YME1L1: variants seen among roughly 807,000 people sequenced by gnomAD.
YME1L1 encodes YME1 like 1 ATPase, also known as ATP-dependent zinc metalloprotease YME1L1.
Under a neutral mutation model 90.4 loss-of-function variants are expected in YME1L1, and 39 were observed. The ratio of observed to expected loss-of-function variants is 0.43; its 90% CI spans 0.33 to 0.56. The LOEUF (loss-of-function observed/expected upper bound fraction) is 0.56, where lower values mean the gene tolerates loss of function less well. Ranked by LOEUF, YME1L1 falls within the 20% of genes least tolerant of loss-of-function variation. The pLI is 0.03. For synonymous variants in YME1L1, 284 were observed against 287.3 expected (o/e 0.99, Z 0.12); for missense variants, 617 against 868.4 (o/e 0.71, Z 3.64).
At chr10:27,125,456 T>G (rs915970328) in intron 9 of YME1L1, among the ~76,000 whole-genome samples, 31 of 57,068 alleles carry the variant, frequency 5.4e-4, no homozygotes, top group Middle Eastern at 6.3e-3. Flanking sequence ...ATTGTTTCAT[T>G]TGAAAAAAAA....
chr10:27,137,697 G>C (rs1387132340), intron 4 of YME1L1, among the ~76,000 whole-genome samples: 1 of 151,970 alleles, frequency 6.6e-6, no homozygotes, highest in Non-Finnish European at 1.5e-5. Context: ...TACAAGTGTG[G>C]GAAAATTTTG....
chr10:27,139,136 T>C lies in YME1L1; in HGVS notation c.431-2751A>G, dbSNP rs1389315157. Reference sequence around the variant, plus strand: ...GGATTTCTGTTAAGTGAAACACATCTATTTTGTTCCTCTGTCGTGCTTGCG... The same window carrying C: ...GGATTTCTGTTAAGTGAAACACATCCATTTTGTTCCTCTGTCGTGCTTGCG... On this transcript the variant is annotated intron_variant, in intron 4 of 18. Transcript: ENST00000376016. 7.2e-5 allele frequency among the ~76,000 whole-genome samples: 11 copies of C among 152,282 alleles called. No individual in the cohort carries two copies. In the East Asian group the frequency reaches 2.1e-3, roughly 29 times the overall value.
chr10:27,113,219 CAAAA>C (rs869122796), intron 18 of YME1L1, among the ~76,000 whole-genome samples: 2 of 43,088 alleles, frequency 4.6e-5, no homozygotes, highest in African/African-American at 8.3e-5. Context: ...GATGCTGTCT[CAAAA>C]AAAAAAAAAA....
At position 27,140,403 on chromosome 10, in the gene YME1L1, T is replaced by G. The variant is rs1376605792; in HGVS notation, c.430+1984A>C. Among the ~76,000 whole-genome samples the G allele has an allele frequency of 2.4e-4, 36 of 152,266 alleles. 1 individual carries two copies. The highest frequency in any genetic ancestry group is 2.4e-3 in the Admixed American group (36 of 15,286). ...ACTGTGGTTCATTACTGAGTGTCTG[T>G]AATCCCGGTTTTATTTCCATTCAGT... is the stretch of plus-strand genomic sequence containing the variant. On this transcript the variant is annotated intron_variant, in intron 4 of 18. Transcript: ENST00000376016.
At position 27,111,938 on chromosome 10, in the gene YME1L1, T is replaced by C; in HGVS notation, c.*39A>G. 1.2e-6 allele frequency: 2 copies of C among 1,612,282 alleles called. No homozygotes were observed. The highest frequency in any genetic ancestry group is 1.7e-6 in the Non-Finnish European group (2 of 1,178,792). ...GACTACTGCAATGCTACTTGTATTC[T>C]TGCAATAAAACCAGCAAGCATCCAT... On this transcript the variant is annotated 3_prime_UTR_variant, in exon 19 of 19. Transcript: ENST00000376016.
At chr10:27,117,795 TG>T in intron 14 of YME1L1, 68 bp from the exon 15 acceptor site, 5 of 1,522,630 alleles carry the variant, frequency 3.3e-6, no homozygotes, top group Non-Finnish European at 4.5e-6. Context: ...AACACATTCT[TG>T]TCTGCAAATC....
At chr10:27,115,015 A>G (rs1191483288) in intron 17 of YME1L1, among the ~76,000 whole-genome samples, 1 of 152,134 alleles carries the variant, frequency 6.6e-6, no homozygotes, top group African/African-American at 2.4e-5. Flanking sequence ...TGACAGAGCG[A>G]GACTCCGTCT....
intron 11 of YME1L1, among the ~76,000 whole-genome samples, chr10:27,122,244 C>T (rs2056875058): frequency 1.3e-5 from 2 of 152,162 alleles, no homozygotes; most frequent in African/African-American, 4.8e-5. Flanking sequence ...CATACCTTCA[C>T]AATTATCTGG....
At chr10:27,151,855 T>C (rs1156459918) in intron 1 of YME1L1, among the ~76,000 whole-genome samples, 4 of 147,954 alleles carry the variant, frequency 2.7e-5, no homozygotes, top group African/African-American at 5.0e-5. Context: ...CACTCCAGCC[T>C]GGGCGACAGA....
At chr10:27,138,792 A>T (rs2057055217) in intron 4 of YME1L1, among the ~76,000 whole-genome samples, 1 of 152,006 alleles carries the variant, frequency 6.6e-6, no homozygotes, top group Non-Finnish European at 1.5e-5. Flanking sequence ...TTTTCTTTTA[A>T]ATCATATTGT....
chr10:27,154,129 G>A, intron 1 of YME1L1, 49 bp downstream of exon 1: 1 of 1,560,912 alleles, frequency 6.4e-7, no homozygotes, highest in Non-Finnish European at 8.7e-7. Context: ...TTTGCAAACA[G>A]CCACGGGCAG....
intron 9 of YME1L1, among the ~76,000 whole-genome samples, chr10:27,124,246 G>A (rs527589972): frequency 3.3e-5 from 5 of 152,216 alleles, no homozygotes; most frequent in East Asian, 1.9e-4. Flanking sequence ...AGTAGTTGAC[G>A]TTTATAGTTT....
intron 13 of YME1L1, among the ~76,000 whole-genome samples, chr10:27,119,695 G>T (rs1413380950): frequency 6.6e-6 from 1 of 152,062 alleles, no homozygotes; most frequent in South Asian, 2.1e-4. Context: ...TGTAATCCCA[G>T]CTATTCAGAA....
chr10:27,143,842 A>G (rs945793579), intron 3 of YME1L1, among the ~76,000 whole-genome samples: 1 of 152,162 alleles, frequency 6.6e-6, no homozygotes, highest in African/African-American at 2.4e-5. Flanking sequence ...CATAGCTACT[A>G]TTATCTTTCC....
intron 14 of YME1L1, 30 bp downstream of exon 14, chr10:27,119,262 TAA>T (rs1223970786): frequency 1.3e-6 from 2 of 1,569,302 alleles, no homozygotes; most frequent in Non-Finnish European, 1.7e-6. Flanking sequence ...CAATGAAAAG[TAA>T]AAGACAGAAA....
At chr10:27,135,518 C>T (rs545056420) in intron 5 of YME1L1, among the ~76,000 whole-genome samples, 6 of 152,214 alleles carry the variant, frequency 3.9e-5, no homozygotes, top group African/African-American at 1.4e-4. Flanking sequence ...TGGAAAAGGC[C>T]TTACAGAGAA....
At chr10:27,129,767 TTCATGATCC>T (rs2056959150) in intron 8 of YME1L1, among the ~76,000 whole-genome samples, 1 of 141,474 alleles carries the variant, frequency 7.1e-6, no homozygotes, top group Non-Finnish European at 1.5e-5. Flanking sequence ...TTAATATAAA[TTCATGATCC>T]AAAATTTCAA....
chr10:27,129,336 A>T (rs891466450), intron 8 of YME1L1: 2 of 152,182 alleles, frequency 1.3e-5, no homozygotes, highest in South Asian at 2.1e-4. Flanking sequence ...TACAATTCCA[A>T]CAGGGTTCAT....
chr10:27,142,350 ATT>A, intron 4 of YME1L1, 35 bp downstream of exon 4: 1 of 1,179,134 alleles, frequency 8.5e-7, no homozygotes, highest in East Asian at 2.8e-5. Flanking sequence ...GTAAATAAAT[ATT>A]TTTTTTTCCA....
Sources: gnomAD v4.1 joint callset for allele counts (sites outside exome capture counted in the v4.1 genomes callset) on GRCh38, gnomAD v4.1.1 for gene constraint, MANE v1.5 for transcripts, NCBI Gene and HGNC (gene_info 2026-07-23, HGNC 2026-07-21) for gene names.